Variants in RIMS2 observed in about 807,000 individuals in gnomAD.
RIMS2 encodes regulating synaptic membrane exocytosis protein 2.
RIMS2 carries 59 observed loss-of-function variants against 174.4 expected under a neutral mutation model. That is an observed-to-expected ratio of 0.34 (90% CI 0.27 to 0.42). The LOEUF (loss-of-function observed/expected upper bound fraction) is 0.42. Among genes scored for constraint, RIMS2 ranks in the 10% least tolerant of loss-of-function variants. RIMS2 has a pLI of 1.00. For synonymous variants in RIMS2, 606 were observed against 572.5 expected (o/e 1.06, Z -0.84); for missense variants, 1,620 against 1,666.3 (o/e 0.97, Z 0.48).
chr8:103,582,185 A>T (rs2093657496), intron 1 of RIMS2, among the ~76,000 whole-genome samples: 1 of 152,154 alleles, frequency 6.6e-6, no homozygotes, highest in Non-Finnish European at 1.5e-5. Flanking sequence ...ATCCTGGGCC[A>T]GGATGGAACC....
At chr8:103,983,593 A>G (rs2094103290) in intron 16 of RIMS2, among the ~76,000 whole-genome samples, 1 of 152,192 alleles carries the variant, frequency 6.6e-6, no homozygotes, top group African/African-American at 2.4e-5. Context: ...AAACAAATCC[A>G]TACACCTACA....
At chr8:103,908,794 G>A (rs1175695289) in intron 4 of RIMS2, among the ~76,000 whole-genome samples, 1 of 152,106 alleles carries the variant, frequency 6.6e-6, no homozygotes, top group Non-Finnish European at 1.5e-5. Flanking sequence ...ATACAACCTA[G>A]TCTCTATATA....
chr8:103,664,015 C>T (rs1205112588), intron 1 of RIMS2, among the ~76,000 whole-genome samples: 1 of 151,914 alleles, frequency 6.6e-6, no homozygotes. Flanking sequence ...ACAAAGCTGA[C>T]AAAAACAATG....
chr8:103,724,587 A>G (rs1000997243), intron 2 of RIMS2, among the ~76,000 whole-genome samples: 1 of 152,116 alleles, frequency 6.6e-6, no homozygotes, highest in Non-Finnish European at 1.5e-5. Flanking sequence ...CCAATATTTT[A>G]TCTTTTTTGT....
At chr8:103,820,183 T>G (rs2098743154) in intron 3 of RIMS2, among the ~76,000 whole-genome samples, 1 of 152,052 alleles carries the variant, frequency 6.6e-6, no homozygotes. Flanking sequence ...TCCTATTGCT[T>G]TTTCAACCTG....
chr8:103,904,535 G>A (rs968599652), intron 4 of RIMS2, among the ~76,000 whole-genome samples: 2 of 151,902 alleles, frequency 1.3e-5, no homozygotes, highest in Middle Eastern at 3.4e-3. Flanking sequence ...CTACATCAGC[G>A]CTCAATGGAT....
intron 4 of RIMS2, among the ~76,000 whole-genome samples, chr8:103,895,876 C>A (rs773107578): frequency 1.3e-5 from 2 of 151,346 alleles, no homozygotes; most frequent in African/African-American, 2.4e-5. Context: ...GGTCACGATC[C>A]TAATTGTTAG....
At chr8:103,818,705 T>C (rs12677553) in intron 3 of RIMS2, among the ~76,000 whole-genome samples, 1,738 of 152,282 alleles carry the variant, frequency 0.011, 21 homozygotes, top group South Asian at 0.049. Context: ...AACCATGTAG[T>C]CACTATGTAT....
At chr8:104,119,717 T>A (rs1174601931) in intron 19 of RIMS2, among the ~76,000 whole-genome samples, 1 of 152,190 alleles carries the variant, frequency 6.6e-6, no homozygotes, top group Non-Finnish European at 1.5e-5. Context: ...CAACAGGGTC[T>A]ATGAATCAAG....
At chr8:103,686,782 A>T (rs971941264) in intron 1 of RIMS2, among the ~76,000 whole-genome samples, 3 of 151,952 alleles carry the variant, frequency 2.0e-5, no homozygotes, top group Non-Finnish European at 4.4e-5. Flanking sequence ...TTTTTTTAAG[A>T]GATGGGGTCT....
intron 2 of RIMS2, among the ~76,000 whole-genome samples, chr8:103,750,048 C>A (rs2097865704): frequency 6.6e-6 from 1 of 151,888 alleles, no homozygotes; most frequent in African/African-American, 2.4e-5. Flanking sequence ...GTATATCCTA[C>A]AAGATTAAGG....
At chr8:103,701,997 A>G (rs890599799) in intron 2 of RIMS2, among the ~76,000 whole-genome samples, 1 of 151,896 alleles carries the variant, frequency 6.6e-6, no homozygotes, top group Admixed American at 6.6e-5. Context: ...TAGGTTTTTT[A>G]TTGAGGAACC....
intron 1 of RIMS2, chr8:103,569,012 T>A: frequency 2.1e-6 from 1 of 472,392 alleles, no homozygotes; most frequent in Non-Finnish European, 3.8e-6. Context: ...ACTTTCTTGA[T>A]GGAGGCCTTT....
intron 2 of RIMS2, among the ~76,000 whole-genome samples, chr8:103,719,689 G>A (rs2097421663): frequency 1.3e-5 from 2 of 152,126 alleles, no homozygotes; most frequent in Non-Finnish European, 2.9e-5. Context: ...ATAATTTAAT[G>A]TTTCCCAGAC....
chr8:103,812,841 C>T (rs2154464543), intron 3 of RIMS2, among the ~76,000 whole-genome samples: 1 of 152,234 alleles, frequency 6.6e-6, no homozygotes, highest in African/African-American at 2.4e-5. Flanking sequence ...CTTTAATTTG[C>T]AAAATACATG....
intron 19 of RIMS2, among the ~76,000 whole-genome samples, chr8:104,111,562 C>G (rs1599132629): frequency 1.3e-5 from 2 of 152,228 alleles, no homozygotes; most frequent in East Asian, 3.9e-4. Flanking sequence ...TGCCTGCCAC[C>G]ACGTCCGGCT....
chr8:103,641,713 C>T (rs931321756), intron 1 of RIMS2, among the ~76,000 whole-genome samples: 1 of 151,888 alleles, frequency 6.6e-6, no homozygotes. Flanking sequence ...TCATCTTGTT[C>T]GTTCTCATGA....
At chr8:103,742,030 G>A (rs909306070) in intron 2 of RIMS2, among the ~76,000 whole-genome samples, 5 of 152,050 alleles carry the variant, frequency 3.3e-5, no homozygotes, top group Admixed American at 2.6e-4. Context: ...ATGTATTAAT[G>A]CTGTATTAAT....
At chr8:104,214,000 G>A (rs551176048) in intron 19 of RIMS2, among the ~76,000 whole-genome samples, 1 of 152,282 alleles carries the variant, frequency 6.6e-6, no homozygotes, top group South Asian at 2.1e-4. Flanking sequence ...CAAGACTTGT[G>A]GCTCCTTTGC....
Sources: allele counts gnomAD v4.1 joint callset (sites outside exome capture counted in the v4.1 genomes callset), GRCh38; gene constraint gnomAD v4.1.1; transcripts MANE v1.5; gene names NCBI Gene and HGNC (gene_info 2026-07-23, HGNC 2026-07-21).